Variants in TXNDC12 observed in about 807,000 individuals in gnomAD.
The protein encoded by TXNDC12 is thioredoxin domain-containing protein 12.
A neutral mutation model predicts 24.2 loss-of-function variants in TXNDC12; 22 were observed. The observed-to-expected ratio is 0.91, with a 90% CI of 0.65 to 1.30. The LOEUF is 1.30. Among genes scored for constraint, TXNDC12 ranks in the 50% most tolerant of loss-of-function variants. The probability of loss-of-function intolerance (pLI) is 0.00; values close to 1 mark genes in which losing one functional copy is unlikely to be tolerated. For missense variants in TXNDC12, 184 were observed against 205.8 expected, an observed-to-expected ratio of 0.89 and a Z score of 0.65; for synonymous variants, 58 against 73.4, an observed-to-expected ratio of 0.79 and a Z score of 1.07.
chr1:52,047,392 T>G (rs1300866865), intron 1 of TXNDC12, among the ~76,000 whole-genome samples: 1 of 152,064 alleles, frequency 6.6e-6, no homozygotes, highest in African/African-American at 2.4e-5. Context: ...TATTGGAGAT[T>G]TGAAAAGACA....
At chr1:52,031,654 C>G (rs1262541989) in intron 2 of TXNDC12, among the ~76,000 whole-genome samples, 1 of 152,158 alleles carries the variant, frequency 6.6e-6, no homozygotes, top group African/African-American at 2.4e-5. Context: ...TCACGCCCAA[C>G]TAATTTTTGT....
At chr1:52,043,115 A>G (rs1275538068) in intron 1 of TXNDC12, among the ~76,000 whole-genome samples, 1 of 152,108 alleles carries the variant, frequency 6.6e-6, no homozygotes, top group Non-Finnish European at 1.5e-5. Context: ...CCAGGCTTTC[A>G]CAATCACTAC....
At chr1:52,027,617 G>A (rs897301549) in intron 3 of TXNDC12, among the ~76,000 whole-genome samples, 2 of 151,894 alleles carry the variant, frequency 1.3e-5, no homozygotes, top group Non-Finnish European at 2.9e-5. Context: ...GAATAGGGGG[G>A]AAAAGCATTA....
intron 4 of TXNDC12, among the ~76,000 whole-genome samples, chr1:52,026,662 G>A (rs1176760629): frequency 6.6e-6 from 1 of 152,204 alleles, no homozygotes; most frequent in Non-Finnish European, 1.5e-5. Context: ...CATTTTGGGA[G>A]GCCGAGGCAG....
At chr1:52,046,853 TAAAAAAA>T (rs753854382) in intron 1 of TXNDC12, among the ~76,000 whole-genome samples, 1 of 127,666 alleles carries the variant, frequency 7.8e-6, no homozygotes, top group African/African-American at 3.2e-5. Context: ...CCATCTCTAC[TAAAAAAA>T]AAAAAAATAT....
At chr1:52,046,604 C>G (rs12747785) in intron 1 of TXNDC12, among the ~76,000 whole-genome samples, 7,087 of 151,966 alleles carry the variant, frequency 0.047, 221 homozygotes, top group East Asian at 0.13. Flanking sequence ...GACTGGGTGT[C>G]GTGGCTCACG....
intron 6 of TXNDC12, among the ~76,000 whole-genome samples, chr1:52,021,298 TAGC>T (rs1220494926): frequency 1.3e-5 from 2 of 152,172 alleles, no homozygotes; most frequent in African/African-American, 4.8e-5. Context: ...ACCAAAATCT[TAGC>T]AGTTATTTTG....
At chr1:52,034,162 T>C (rs1685839784) in intron 2 of TXNDC12, 2 of 808,296 alleles carry the variant, frequency 2.5e-6, no homozygotes, top group African/African-American at 3.6e-5. Context: ...TGGCTCTCAG[T>C]AAATGTTTAT....
At chr1:52,027,710 GTA>G (rs1685690539) in intron 3 of TXNDC12, among the ~76,000 whole-genome samples, 1 of 150,466 alleles carries the variant, frequency 6.6e-6, no homozygotes, top group African/African-American at 2.4e-5. Flanking sequence ...ATATGTGTGT[GTA>G]TACATATATG....
intron 6 of TXNDC12, among the ~76,000 whole-genome samples, chr1:52,022,815 A>G (rs550567871): frequency 2.0e-5 from 3 of 151,304 alleles, no homozygotes; most frequent in Admixed American, 2.0e-4. Flanking sequence ...AATTTTTTGT[A>G]TTTTTAGTAG....
chr1:52,032,021 CA>C, intron 2 of TXNDC12: 1 of 501,668 alleles, frequency 2.0e-6, no homozygotes, highest in African/African-American at 2.1e-5. Flanking sequence ...AATACTACTT[CA>C]CTTAAAGGCA....
At chr1:52,032,590 AG>A (rs1481211037) in intron 2 of TXNDC12, 1 of 1,473,048 alleles carries the variant, frequency 6.8e-7, no homozygotes, top group East Asian at 2.3e-5. Context: ...CAACAGCTCT[AG>A]TACAGTACTG....
chr1:52,042,758 G>T (rs980407046), intron 1 of TXNDC12, among the ~76,000 whole-genome samples: 7 of 152,172 alleles, frequency 4.6e-5, no homozygotes, highest in Non-Finnish European at 1.0e-4. Context: ...AAGTAGCTGG[G>T]ATTACAGGCA....
chr1:52,032,512 T>G, intron 2 of TXNDC12: 1 of 1,369,444 alleles, frequency 7.3e-7, no homozygotes, highest in Non-Finnish European at 9.4e-7. Flanking sequence ...TTCTCTTTAG[T>G]CTGAACTTAT....
At position 52,033,733 on chromosome 1, in the gene TXNDC12, G is replaced by A. The variant is rs763503707; in HGVS notation, c.159-5103C>T. On this transcript the variant is annotated intron_variant, in intron 2 of 6. Coordinates refer to ENST00000371626, the MANE Select transcript of TXNDC12 (RefSeq NM_015913.4). Reference sequence around the variant, plus strand: ...AGCACGCCGGCTCTTGCCGCTGTACGGCAGCCCGCAAAACACCACGAGCGG... The same window carrying A: ...AGCACGCCGGCTCTTGCCGCTGTACAGCAGCCCGCAAAACACCACGAGCGG... 52 of 1,606,598 alleles carry A rather than the reference G, an allele frequency of 3.2e-5. No homozygotes were observed. Among genetic ancestry groups the A allele is most frequent in the Non-Finnish European group, 4.3e-5 (50 of 1,176,380 alleles).
intron 2 of TXNDC12, among the ~76,000 whole-genome samples, chr1:52,030,992 AT>A (rs560969185): frequency 4.5e-4 from 69 of 152,276 alleles, no homozygotes; most frequent in African/African-American, 1.5e-3. Context: ...AACATTTACC[AT>A]TTGGCCCTTT....
intron 4 of TXNDC12, among the ~76,000 whole-genome samples, chr1:52,026,966 G>A (rs1685680099): frequency 6.6e-6 from 1 of 151,942 alleles, no homozygotes; most frequent in South Asian, 2.1e-4. Context: ...AACCCGGGAG[G>A]AGGAGGTTGC....
intron 1 of TXNDC12, among the ~76,000 whole-genome samples, chr1:52,045,497 A>G (rs1686075113): frequency 6.6e-6 from 1 of 152,250 alleles, no homozygotes; most frequent in Non-Finnish European, 1.5e-5. Flanking sequence ...ATGTGAAGAC[A>G]TAGAAGACAG....
chr1:52,044,923 TGAGATCACGCCACCACACTCCA>T (rs1686060953), intron 1 of TXNDC12, among the ~76,000 whole-genome samples: 1 of 150,828 alleles, frequency 6.6e-6, no homozygotes, highest in Non-Finnish European at 1.5e-5. Flanking sequence ...TACAGTGAGT[TGAGATCACGCCACCACACTCCA>T]GCCTGGGTGA....
Sources: gnomAD v4.1 joint callset for allele counts (sites outside exome capture counted in the v4.1 genomes callset) on GRCh38, gnomAD v4.1.1 for gene constraint, MANE v1.5 for transcripts, NCBI Gene and HGNC (gene_info 2026-07-23, HGNC 2026-07-21) for gene names.